Variants in ACER1 observed in about 807,000 individuals in gnomAD.
ACER1 encodes alkaline ceramidase 1.
Under a neutral mutation model 24.9 loss-of-function variants are expected in ACER1, and 28 were observed. The ratio of observed to expected loss-of-function variants is 1.13; its 90% confidence interval spans 0.83 to 1.54. The LOEUF (loss-of-function observed/expected upper bound fraction) is 1.54, where lower values mean the gene tolerates loss of function less well. Among genes scored for constraint, ACER1 ranks in the 40% most tolerant of loss-of-function variants. The pLI is 0.00. For missense variants in ACER1, 352 were observed against 349.3 expected (o/e 1.01, Z -0.06); for synonymous variants, 132 against 131.4 (o/e 1.00, Z -0.03).
At chr19:6,357,363 A>G in the ACER1 span, among the ~76,000 whole-genome samples, 1 of 151,938 alleles carries the variant, frequency 6.6e-6, no homozygotes, top group Non-Finnish European at 1.5e-5. Flanking sequence ...CAAGCAGAGT[A>G]AAGCAGAGGC....
chr19:6,333,052 A>C (rs944325421), intron 1 of ACER1, among the ~76,000 whole-genome samples: 11 of 152,050 alleles, frequency 7.2e-5, no homozygotes, highest in Non-Finnish European at 1.5e-4. Flanking sequence ...AGCTGCAAAC[A>C]AGACAGACAC....
chr19:6,322,185 C>A (rs1322465039), intron 1 of ACER1, among the ~76,000 whole-genome samples: 2 of 152,140 alleles, frequency 1.3e-5, no homozygotes, highest in African/African-American at 4.8e-5. Flanking sequence ...CATCTGCCTT[C>A]CCTGGGTCAA....
At chr19:6,326,291 C>A (rs2091661677) in intron 1 of ACER1, among the ~76,000 whole-genome samples, 1 of 152,000 alleles carries the variant, frequency 6.6e-6, no homozygotes, top group Admixed American at 6.6e-5. Flanking sequence ...CAATGCCCGG[C>A]TAATTTTTAT....
At chr19:6,349,931 G>C in the ACER1 span, among the ~76,000 whole-genome samples, 1 of 152,144 alleles carries the variant, frequency 6.6e-6, no homozygotes, top group South Asian at 2.1e-4. Context: ...AGGAGTTCAA[G>C]ACCAGCTCAG....
chr19:6,332,882 C>A (rs2091695306), intron 1 of ACER1, among the ~76,000 whole-genome samples: 2 of 151,920 alleles, frequency 1.3e-5, no homozygotes. Flanking sequence ...TTGCCCAGGG[C>A]GATCTCCAAC....
chr19:6,346,125 T>C, the ACER1 span, among the ~76,000 whole-genome samples: 1 of 152,120 alleles, frequency 6.6e-6, no homozygotes, highest in South Asian at 2.1e-4. Flanking sequence ...AATTTCAGAT[T>C]AACGATGGAT....
At chr19:6,345,191 G>A in the ACER1 span, among the ~76,000 whole-genome samples, 12 of 152,054 alleles carry the variant, frequency 7.9e-5, no homozygotes, top group African/African-American at 2.9e-4. Context: ...CACCGTGCCC[G>A]GCCTCCGTGT....
At position 6,306,868 on chromosome 19, in the gene ACER1, C is replaced by G; in HGVS notation, c.641G>C (p.Ser214Thr). 6.2e-7 allele frequency: 1 copy of G among 1,613,468 alleles called. No homozygotes were observed. Among genetic ancestry groups the G allele is most frequent in the Non-Finnish European group, 8.5e-7 (1 of 1,179,606 alleles). Residue 214 changes from serine to threonine, a missense_variant, in exon 6 of 6, where the codon AGC becomes ACC. By Grantham distance (58) the Ser-to-Thr change is moderately conservative (BLOSUM62 1). Transcript: ENST00000301452. ...YLHSIWHVLI[S>T]ITFPYGMVTM... ...GACCATGCCATAAGGGAAGGTGATG[C>G]TGATGAGCACATGCCTGTGGAGTGC...
At chr19:6,345,310 A>G in the ACER1 span, among the ~76,000 whole-genome samples, 1 of 152,204 alleles carries the variant, frequency 6.6e-6, no homozygotes, top group Non-Finnish European at 1.5e-5. Flanking sequence ...AGCAATCTGC[A>G]AGCTTTTTGT....
chr19:6,333,634 G>T (rs2091700968), upstream of ACER1: 1 of 1,238,760 alleles, frequency 8.1e-7, no homozygotes, highest in Non-Finnish European at 1.1e-6. Flanking sequence ...ATGAGGCGGG[G>T]AGAGGACAGC....
chr19:6,332,932 G>C (rs1305574854), intron 1 of ACER1, among the ~76,000 whole-genome samples: 1 of 152,088 alleles, frequency 6.6e-6, no homozygotes, highest in East Asian at 1.9e-4. Context: ...GCCTTCCAAA[G>C]TGCTAGGATT....
At chr19:6,310,956 A>G (rs2144997569) in intron 3 of ACER1, among the ~76,000 whole-genome samples, 1 of 151,434 alleles carries the variant, frequency 6.6e-6, no homozygotes, top group African/African-American at 2.4e-5. Flanking sequence ...AGAAAGTCTC[A>G]GGGAGCCCAG....
At chr19:6,355,956 C>G in the ACER1 span, among the ~76,000 whole-genome samples, 1 of 151,924 alleles carries the variant, frequency 6.6e-6, no homozygotes, top group Non-Finnish European at 1.5e-5. Context: ...CAGCCACCAC[C>G]CCGTCTGGGA....
chr19:6,338,732 C>A, the ACER1 span, among the ~76,000 whole-genome samples: 1 of 151,982 alleles, frequency 6.6e-6, no homozygotes, highest in Admixed American at 6.6e-5. Context: ...GGACTACAGG[C>A]CAGGCAAATT....
At chr19:6,329,245 G>A (rs1383001987) in intron 1 of ACER1, among the ~76,000 whole-genome samples, 1 of 152,056 alleles carries the variant, frequency 6.6e-6, no homozygotes, top group Non-Finnish European at 1.5e-5. Flanking sequence ...TTAGCTATGG[G>A]TTTGGGATAC....
the ACER1 span, among the ~76,000 whole-genome samples, chr19:6,349,993 C>T: frequency 4.6e-5 from 7 of 152,178 alleles, no homozygotes; most frequent in African/African-American, 7.2e-5. Flanking sequence ...TAGCCCAGTG[C>T]GGTGGTGCAT....
the ACER1 span, among the ~76,000 whole-genome samples, chr19:6,349,319 A>G: frequency 3.3e-5 from 5 of 150,892 alleles, no homozygotes; most frequent in South Asian, 1.1e-3. Flanking sequence ...CTACAAAATA[A>G]AAGAAAGAAA....
Position 6,307,242 on chromosome 19 carries a change from T to A in ACER1, c.537A>T (p.Leu179Phe). Residue 179 changes from leucine (L) to phenylalanine (F), a missense_variant, in exon 5 of 6, where the codon TTA (leucine) becomes TTT (phenylalanine). By Grantham distance (22) the Leu-to-Phe change is conservative. Transcript: ENST00000301452. ...LRHLIEVSVV[L>F]WAVALTSWIS... ...TCCAGCTGGTCAGAGCAACAGCCCA[T>A]AAAACCACGGAGACCTCAATCAGGT... The A allele has an allele frequency of 1.2e-6, 2 of 1,613,982 alleles. No individual in the cohort carries two copies. The highest frequency in any genetic ancestry group is 1.7e-6 in the Non-Finnish European group (2 of 1,179,992).
chr19:6,331,840 T>C (rs1235961571), intron 1 of ACER1, among the ~76,000 whole-genome samples: 1 of 152,042 alleles, frequency 6.6e-6, no homozygotes, highest in Admixed American at 6.6e-5. Context: ...TATGCCTGGA[T>C]CCCATCATTC....
Sources: gnomAD v4.1 joint callset for allele counts (sites outside exome capture counted in the v4.1 genomes callset) on GRCh38, gnomAD v4.1.1 for gene constraint, MANE v1.5 for transcripts, NCBI Gene and HGNC (gene_info 2026-07-23, HGNC 2026-07-21) for gene names.